Variants in DHX29 observed in about 807,000 individuals in gnomAD.
The protein encoded by DHX29 is DExH-box helicase 29, also known as ATP-dependent RNA helicase DHX29.
A neutral mutation model predicts 167.9 loss-of-function variants in DHX29; 79 were observed. The ratio of observed to expected loss-of-function variants is 0.47; its 90% CI spans 0.39 to 0.57. DHX29 has a LOEUF of 0.57. Among genes scored for constraint, DHX29 ranks in the 20% least tolerant of loss-of-function variants. DHX29 has a pLI of 0.00. For synonymous variants in DHX29, 530 were observed against 546.0 expected (o/e 0.97, Z 0.41); for missense variants, 1,347 against 1,593.4 (o/e 0.85, Z 2.63).
chr5:55,304,879 G>A (rs1280440012), intron 1 of DHX29, among the ~76,000 whole-genome samples: 1 of 152,112 alleles, frequency 6.6e-6, no homozygotes, highest in Admixed American at 6.5e-5. Flanking sequence ...ACAGAGTTGA[G>A]CATTTTTCCA....
intron 12 of DHX29, among the ~76,000 whole-genome samples, chr5:55,278,578 C>G (rs559204061): frequency 2.6e-5 from 4 of 152,268 alleles, no homozygotes; most frequent in African/African-American, 9.6e-5. Context: ...AGTTCTCTTC[C>G]TTTGAGTTTT....
At chr5:55,281,996 G>C (rs1747449234) in intron 11 of DHX29, among the ~76,000 whole-genome samples, 1 of 151,906 alleles carries the variant, frequency 6.6e-6, no homozygotes, top group East Asian at 1.9e-4. Context: ...ATGTTGGCCA[G>C]GCTGGCCTCG....
chr5:55,279,164 G>A lies in DHX29; in HGVS notation c.2110-1882C>T, dbSNP rs116428956. Among the ~76,000 whole-genome samples the A allele has an allele frequency of 3.8e-3, 573 of 152,358 alleles. 3 individuals are homozygous for A. The highest frequency in any genetic ancestry group is 0.013 in the African/African-American group (528 of 41,588). ...TCCAAGGGTAACGCCAGTGAATACG[G>A]AGAAAAGTAAATGTACTTGAGAAAG... is the stretch of plus-strand genomic sequence containing the variant. On this transcript the variant is annotated intron_variant, in intron 12 of 26. Transcript: ENST00000251636.
Position 55,285,321 on chromosome 5 carries a change from A to G in DHX29, c.1328T>C (p.Leu443Ser), listed in dbSNP as rs755924466. 5.3e-5 allele frequency: 86 copies of G among 1,613,940 alleles called. No individual in the cohort carries two copies. Among genetic ancestry groups the G allele is most frequent in the Non-Finnish European group, 7.0e-5 (83 of 1,180,022 alleles). Reference sequence around the variant, plus strand: ...CCCTTTAACTAAACGGTAAAGGGCTAAAGTAGCTCCCAGGTGCTGAGCTTG... The same window carrying G: ...CCCTTTAACTAAACGGTAAAGGGCTGAAGTAGCTCCCAGGTGCTGAGCTTG... ...GMQAQHLGAT[L>S]ALYRLVKGQS... The change falls in exon 10 of 27, where the codon TTA (leucine) becomes TCA (serine). Residue 443 changes from leucine to serine, a missense_variant. Transcript: ENST00000251636.
chr5:55,263,079 A>G (rs915537851), intron 23 of DHX29, 147 bp from the exon 24 acceptor site: 16 of 469,314 alleles, frequency 3.4e-5, no homozygotes, highest in Middle Eastern at 6.2e-4. Context: ...TACCTTAGGG[A>G]AAAAAAAAAG....
At chr5:55,273,141 T>G in intron 17 of DHX29, 152 bp downstream of exon 17, 1 of 684,548 alleles carries the variant, frequency 1.5e-6, no homozygotes, top group Non-Finnish European at 2.1e-6. Context: ...TTGGGTTCAC[T>G]TCTGATGATG....
intron 10 of DHX29, 95 bp downstream of exon 10, chr5:55,285,198 G>A: frequency 1.3e-6 from 2 of 1,514,368 alleles, no homozygotes; most frequent in Non-Finnish European, 1.8e-6. Flanking sequence ...AATGAGAAAG[G>A]ATTAATCAGA....
At chr5:55,304,782 A>G (rs1748780858) in intron 1 of DHX29, among the ~76,000 whole-genome samples, 1 of 152,160 alleles carries the variant, frequency 6.6e-6, no homozygotes, top group East Asian at 1.9e-4. Context: ...ACGATAGAGG[A>G]CAATTTTGAC....
At chr5:55,281,571 G>C in intron 11 of DHX29, 56 bp from the exon 12 acceptor site, 2 of 1,353,896 alleles carry the variant, frequency 1.5e-6, no homozygotes, top group South Asian at 3.7e-5. Context: ...TGGGAAACAA[G>C]CTTTAAAAAG....
At chr5:55,261,591 G>A in intron 24 of DHX29, 92 bp from the exon 25 acceptor site, 1 of 809,908 alleles carries the variant, frequency 1.2e-6, no homozygotes. Context: ...TCTACAATTT[G>A]TTATTCTACA....
chr5:55,295,272 TG>T (rs1159062751), intron 5 of DHX29, 106 bp downstream of exon 5: 1 of 861,486 alleles, frequency 1.2e-6, no homozygotes, highest in Non-Finnish European at 1.8e-6. Context: ...ATTAGTTATT[TG>T]TAAGAAGTAA....
At chr5:55,277,968 G>A (rs1747208900) in intron 12 of DHX29, among the ~76,000 whole-genome samples, 1 of 147,944 alleles carries the variant, frequency 6.8e-6, no homozygotes, top group Non-Finnish European at 1.5e-5. Context: ...AAGCAAGAGT[G>A]ACTCCTAAAT....
intron 3 of DHX29, 50 bp downstream of exon 3, chr5:55,297,235 C>G: frequency 1.2e-6 from 1 of 839,268 alleles, no homozygotes; most frequent in Non-Finnish European, 2.0e-6. Flanking sequence ...GAGGAGCTGT[C>G]TAAAAATGCT....
intron 17 of DHX29, among the ~76,000 whole-genome samples, chr5:55,273,091 T>C (rs1746932095): frequency 6.6e-6 from 1 of 152,208 alleles, no homozygotes; most frequent in South Asian, 2.1e-4. Flanking sequence ...CTCCCTTAAA[T>C]AGCACATAAT....
rs554447486 is a variant in DHX29, at chr5:55,285,409, C to T, written c.1240G>A (p.Val414Ile). The T allele has an allele frequency of 3.7e-6, 6 of 1,606,982 alleles. No individual in the cohort carries two copies. In the African/African-American group the frequency reaches 8.0e-5, roughly 22 times the overall value. The change falls in exon 10 of 27, where the codon GTA becomes ATA. Residue 414 changes from valine to isoleucine, a missense_variant. Val to Ile is a conservative substitution (Grantham distance 29). This residue lies in a region of DHX29 where 60 missense variants were observed against 94.2 expected (regional missense o/e 0.64). Coordinates refer to ENST00000251636, the MANE Select transcript of DHX29 (RefSeq NM_019030.4). ...VGRYWKCRVR[V>I]IKSEDDVLVV... Reference sequence around the variant, plus strand: ...AGGACATCATCTTCAGACTTGATTACCCTAACCCTACAAAGAAGCAAACGC... The same window carrying T: ...AGGACATCATCTTCAGACTTGATTATCCTAACCCTACAAAGAAGCAAACGC...
intron 7 of DHX29, 120 bp from the exon 8 acceptor site, chr5:55,289,548 TAA>T: frequency 1.4e-6 from 1 of 722,376 alleles, no homozygotes. Context: ...CCTTATTTTT[TAA>T]AATGATTAAA....
chr5:55,276,294 C>A lies in DHX29; in HGVS notation c.2399G>T (p.Ser800Ile). The A allele has an allele frequency of 6.3e-7, 1 of 1,588,780 alleles. No individual in the cohort carries two copies. Among genetic ancestry groups the A allele is most frequent in the South Asian group, 1.2e-5 (1 of 85,774 alleles). Residue 800 changes from serine (S) to isoleucine (I), a missense_variant, in exon 14 of 27, where the codon AGC becomes ATC. Coordinates refer to ENST00000251636, the MANE Select transcript of DHX29 (RefSeq NM_019030.4). ...ATATTTTTTTATTCCCCCTGCTTTG[C>A]TTGTAACATTAATGGTTACTTCTTC... ...EEEEVTINVT[S>I]KAGGIKKYQE...
intron 4 of DHX29, among the ~76,000 whole-genome samples, chr5:55,295,817 C>G (rs1377148584): frequency 1.3e-5 from 2 of 152,184 alleles, no homozygotes. Context: ...CTTTGGCTTT[C>G]TGTCACAGCA....
chr5:55,281,625 G>T, intron 11 of DHX29, 110 bp from the exon 12 acceptor site: 1 of 637,434 alleles, frequency 1.6e-6, no homozygotes, highest in Non-Finnish European at 2.5e-6. Context: ...AGCATTGTAA[G>T]TAATCTAGTA....
Sources: gnomAD v4.1 joint callset for allele counts (sites outside exome capture counted in the v4.1 genomes callset) on GRCh38, gnomAD v4.1.1 for gene constraint, gnomAD v4.1.1 regional missense constraint, MANE v1.5 for transcripts, NCBI Gene and HGNC (gene_info 2026-07-23, HGNC 2026-07-21) for gene names.